Variants in RPF2 observed in about 807,000 individuals in gnomAD.
RPF2 encodes brix domain containing 1.
Under a neutral mutation model 38.9 loss-of-function variants are expected in RPF2, and 21 were observed. The observed-to-expected ratio is 0.54, with a 90% CI of 0.38 to 0.78. The LOEUF (loss-of-function observed/expected upper bound fraction) is 0.78. RPF2 is among the 30% of genes least tolerant of loss of function. The pLI is 0.00. For synonymous variants in RPF2, 121 were observed against 126.2 expected (o/e 0.96, Z 0.28); for missense variants, 314 against 358.1 (o/e 0.88, Z 0.99).
intron 7 of RPF2, 119 bp downstream of exon 7, chr6:111,008,256 ATATT>A: frequency 9.0e-7 from 1 of 1,105,936 alleles, no homozygotes; most frequent in Non-Finnish European, 1.2e-6. Context: ...TTTAAAAATA[ATATT>A]TATATACTTA....
At chr6:111,006,131 G>T (rs1474689985) in intron 6 of RPF2, among the ~76,000 whole-genome samples, 5 of 151,172 alleles carry the variant, frequency 3.3e-5, no homozygotes, top group African/African-American at 1.2e-4. Context: ...TGTAGAGACC[G>T]TGTCTCCCAG....
At chr6:110,994,764 C>T (rs1192650544) in intron 4 of RPF2, among the ~76,000 whole-genome samples, 2 of 146,676 alleles carry the variant, frequency 1.4e-5, no homozygotes, top group East Asian at 4.0e-4. Context: ...CACACACACA[C>T]ACACACGAGT....
chr6:111,020,374 A>G (rs1772210727), intron 8 of RPF2, among the ~76,000 whole-genome samples: 1 of 152,222 alleles, frequency 6.6e-6, no homozygotes. Context: ...TAGAGGGGAT[A>G]CAAGGGAGAT....
Position 111,010,999 on chromosome 6 carries a change from A to G in RPF2, c.493+2862A>G, listed in dbSNP as rs1409020983. ...TTTACAAAAGTTCTTGAGTTTGATGACATTCCCATTTCACAGATGGGAAAA... is the reference window on the plus strand; with the variant it reads ...TTTACAAAAGTTCTTGAGTTTGATGGCATTCCCATTTCACAGATGGGAAAA... On this transcript the variant is annotated intron_variant, in intron 7 of 9. Coordinates refer to ENST00000441448, the MANE Select transcript of RPF2 (RefSeq NM_032194.3). Among the ~76,000 whole-genome samples the G allele has an allele frequency of 2.0e-5, 3 of 152,194 alleles. No individual in the cohort carries two copies. The East Asian group carries it at 5.8e-4, about 29-fold the overall frequency.
chr6:111,025,410 A>G lies in RPF2; in HGVS notation c.749A>G (p.Lys250Arg), dbSNP rs920058872. 5 of 1,599,426 alleles carry G rather than the reference A, an allele frequency of 3.1e-6. No individual in the cohort carries two copies. In the South Asian group the frequency reaches 3.4e-5, roughly 11 times the overall value. Residue 250 changes from lysine to arginine, a missense_variant, in exon 10 of 10, where the codon AAG (lysine) becomes AGG (arginine). Lys to Arg is a conservative substitution (Grantham distance 26). Transcript: ENST00000441448. ...CATATTCTTTTATCGTAGCCAAAGA[A>G]GAAGAAAAATATTTCCCATGATACT... ...MKMPKALKPK[K>R]KKNISHDTFG... is the part of the protein sequence containing the mutation.
At chr6:111,006,495 TGAAAGTGGTGG>T (rs1771910366) in intron 6 of RPF2, among the ~76,000 whole-genome samples, 1 of 152,042 alleles carries the variant, frequency 6.6e-6, no homozygotes, top group Non-Finnish European at 1.5e-5. Context: ...TCTCTGCCTC[TGAAAGTGGTGG>T]GATTATAGGC....
At position 110,985,144 on chromosome 6, in the gene RPF2, T is replaced by C; in HGVS notation, c.156+6T>C. ...CAAAAGTACTTAAAGATGTGGTAAG[T>C]ATATATACTTAATCTTTAAAAGGTA... is the stretch of plus-strand genomic sequence containing the variant. On this transcript the variant is annotated splice_donor_region_variant and intron_variant, in intron 2 of 9. Coordinates refer to ENST00000441448, the MANE Select transcript of RPF2 (RefSeq NM_032194.3). 6.2e-7 allele frequency: 1 copy of C among 1,604,194 alleles called. No homozygotes were observed. The highest frequency in any genetic ancestry group is 2.2e-5 in the East Asian group (1 of 44,662).
chr6:110,997,146 T>C (rs752692555), intron 4 of RPF2, 37 bp from the exon 5 acceptor site: 7 of 1,290,636 alleles, frequency 5.4e-6, no homozygotes. Context: ...TTCTTAAATT[T>C]ATGCATGGAC....
chr6:110,986,928 G>T (rs897215970), intron 2 of RPF2, among the ~76,000 whole-genome samples: 1 of 150,214 alleles, frequency 6.7e-6, no homozygotes, highest in African/African-American at 2.5e-5. Flanking sequence ...ACTTACTCCA[G>T]CCTGGGTAAC....
intron 8 of RPF2, among the ~76,000 whole-genome samples, chr6:111,017,361 C>G (rs879708361): frequency 1.4e-5 from 2 of 140,408 alleles, no homozygotes; most frequent in Admixed American, 7.1e-5. Context: ...GGCTGCCCCC[C>G]GCCTCCCTCC....
At chr6:111,006,495 T>G (rs370945720) in intron 6 of RPF2, among the ~76,000 whole-genome samples, 2 of 152,042 alleles carry the variant, frequency 1.3e-5, no homozygotes, top group African/African-American at 4.8e-5. Flanking sequence ...TCTCTGCCTC[T>G]GAAAGTGGTG....
In RPF2 at chr6:111,019,937, C is replaced by T. The variant is rs1043360499; in HGVS notation, c.596+4081C>T. Among the ~76,000 whole-genome samples the T allele has an allele frequency of 7.2e-5, 10 of 138,092 alleles. 1 individual carries two copies. Among genetic ancestry groups the T allele is most frequent in the Admixed American group, 2.1e-4 (3 of 14,032 alleles). The allele number at this position is 138,092 out of a possible 152,430, so 90.6% of individuals were successfully genotyped here. Reference sequence around the variant, plus strand: ...TCTTTCTTTTGTTTTTTTTTTGAGACGGAGTCTCGCTATGTTGCCCAGGCT... The same window carrying T: ...TCTTTCTTTTGTTTTTTTTTTGAGATGGAGTCTCGCTATGTTGCCCAGGCT... On this transcript the variant is annotated intron_variant, in intron 8 of 9. Transcript: ENST00000441448.
intron 7 of RPF2, among the ~76,000 whole-genome samples, chr6:111,010,742 G>T (rs1383176018): frequency 2.0e-5 from 3 of 151,964 alleles, no homozygotes; most frequent in Non-Finnish European, 4.4e-5. Context: ...AAATTACGTT[G>T]TATGCACATG....
At chr6:111,025,357 A>G (rs1316387958) in intron 9 of RPF2, 46 bp from the exon 10 acceptor site, 31 of 1,344,430 alleles carry the variant, frequency 2.3e-5, no homozygotes, top group Non-Finnish European at 3.1e-5. Context: ...TTACTGGCTC[A>G]TTATAGTAGA....
At chr6:111,012,411 G>A (rs1772033032) in intron 7 of RPF2, among the ~76,000 whole-genome samples, 1 of 152,046 alleles carries the variant, frequency 6.6e-6, no homozygotes, top group South Asian at 2.1e-4. Context: ...GGCTCAAGCA[G>A]CCCTCCAGCC....
chr6:111,014,852 G>A (rs7774763), intron 7 of RPF2, among the ~76,000 whole-genome samples: 24,255 of 152,130 alleles, frequency 0.16, 2,460 homozygotes, highest in East Asian at 0.53. Flanking sequence ...TTGAGACAGG[G>A]TTTTGCTCTG....
intron 6 of RPF2, among the ~76,000 whole-genome samples, chr6:111,004,164 G>A (rs1441332814): frequency 6.6e-6 from 1 of 151,626 alleles, no homozygotes; most frequent in Non-Finnish European, 1.5e-5. Context: ...TCATGTGCAT[G>A]TGACTAGCAT....
chr6:111,022,360 T>C (rs1772248808), intron 8 of RPF2, among the ~76,000 whole-genome samples: 1 of 152,270 alleles, frequency 6.6e-6, no homozygotes, highest in Admixed American at 6.5e-5. Context: ...CCAGTTAGCA[T>C]ATCTACCAGC....
At chr6:111,006,998 G>A (rs1294126243) in intron 6 of RPF2, among the ~76,000 whole-genome samples, 2 of 151,952 alleles carry the variant, frequency 1.3e-5, no homozygotes, top group Non-Finnish European at 1.5e-5. Context: ...CCGAGATAGC[G>A]CCATTGCACT....
Sources: allele counts gnomAD v4.1 joint callset (sites outside exome capture counted in the v4.1 genomes callset), GRCh38; gene constraint gnomAD v4.1.1; transcripts MANE v1.5; gene names NCBI Gene and HGNC (gene_info 2026-07-23, HGNC 2026-07-21).